Variants in CENPC observed in about 807,000 individuals in gnomAD.
CENPC encodes centromere protein C, also known as CENP-C 1.
A neutral mutation model predicts 112.1 loss-of-function variants in CENPC; 63 were observed. The observed-to-expected ratio is 0.56, with a 90% CI of 0.46 to 0.69. The LOEUF (loss-of-function observed/expected upper bound fraction) is 0.69. Among genes scored for constraint, CENPC ranks in the 30% least tolerant of loss-of-function variants. The probability of loss-of-function intolerance (pLI) is 0.00; values close to 1 mark genes in which losing one functional copy is unlikely to be tolerated. For synonymous variants in CENPC, 333 were observed against 367.6 expected (o/e 0.91, Z 1.08); for missense variants, 1,000 against 1,103.8 (o/e 0.91, Z 1.33).
At chr4:67,492,848 C>T (rs1725321088) in intron 15 of CENPC, 21 bp downstream of exon 15, 1 of 1,520,800 alleles carries the variant, frequency 6.6e-7, no homozygotes, top group Non-Finnish European at 8.9e-7. Context: ...CTAAAAGTTA[C>T]TTTCAGAAAT....
At chr4:67,479,345 T>G (rs1319242931) in intron 17 of CENPC, among the ~76,000 whole-genome samples, 1 of 152,110 alleles carries the variant, frequency 6.6e-6, no homozygotes, top group African/African-American at 2.4e-5. Flanking sequence ...TCAATAAATT[T>G]AAGAAAACCA....
intron 16 of CENPC, 74 bp from the exon 17 acceptor site, chr4:67,490,195 A>G (rs1378483853): frequency 6.1e-6 from 6 of 978,750 alleles, no homozygotes; most frequent in Non-Finnish European, 8.6e-6. Flanking sequence ...ACACATATAT[A>G]TAATAAAGAG....
chr4:67,478,552 T>C (rs77256643), intron 17 of CENPC, among the ~76,000 whole-genome samples: 3 of 149,520 alleles, frequency 2.0e-5, no homozygotes, highest in Non-Finnish European at 4.5e-5. Context: ...CTAAAAGGAG[T>C]TCTAAATCTT....
At chr4:67,482,824 A>C in intron 17 of CENPC, among the ~76,000 whole-genome samples, 1 of 152,158 alleles carries the variant, frequency 6.6e-6, no homozygotes, top group East Asian at 1.9e-4. Context: ...GGTGCACCAA[A>C]ATCTCAGAAA....
At chr4:67,539,722 A>C in intron 4 of CENPC, 118 bp downstream of exon 4, 2 of 536,178 alleles carry the variant, frequency 3.7e-6, no homozygotes, top group Non-Finnish European at 3.2e-6. Flanking sequence ...GTCAATGGGA[A>C]TATAGAATTC....
intron 10 of CENPC, among the ~76,000 whole-genome samples, chr4:67,508,513 T>TA (rs34160703): frequency 0.26 from 23,317 of 91,030 alleles, 3,323 homozygotes; most frequent in Non-Finnish European, 0.31. Context: ...CTCTGTCTCT[T>TA]AAAAAAAAAA....
chr4:67,491,478 T>TAG (rs1164591729), intron 16 of CENPC, among the ~76,000 whole-genome samples: 11 of 24,994 alleles, frequency 4.4e-4, no homozygotes, highest in African/African-American at 9.8e-4. Context: ...TATATATATA[T>TAG]ATAGAGAGAG....
At chr4:67,499,925 A>G (rs1053587057) in intron 12 of CENPC, among the ~76,000 whole-genome samples, 1 of 152,178 alleles carries the variant, frequency 6.6e-6, no homozygotes, top group Non-Finnish European at 1.5e-5. Flanking sequence ...TGTCTCAGGA[A>G]ATAGGGAAGC....
chr4:67,489,285 G>A (rs1179391390), intron 17 of CENPC, among the ~76,000 whole-genome samples: 1 of 151,296 alleles, frequency 6.6e-6, no homozygotes, highest in East Asian at 1.9e-4. Context: ...GGTGGGGGTG[G>A]AAGAAAGGAG....
At chr4:67,515,750 T>C (rs769447091) in intron 7 of CENPC, among the ~76,000 whole-genome samples, 6 of 152,040 alleles carry the variant, frequency 3.9e-5, no homozygotes, top group East Asian at 3.9e-4. Context: ...ATTATAATCA[T>C]GGTATAGAAA....
At chr4:67,506,663 A>T in intron 11 of CENPC, 125 bp downstream of exon 11, 1 of 780,874 alleles carries the variant, frequency 1.3e-6, no homozygotes, top group South Asian at 3.1e-5. Flanking sequence ...GCTGAGCCAT[A>T]GAAACTATGA....
chr4:67,505,127 T>G, intron 12 of CENPC, 78 bp downstream of exon 12: 1 of 1,012,570 alleles, frequency 9.9e-7, no homozygotes, highest in Non-Finnish European at 1.5e-6. Context: ...TCAGTGACAA[T>G]GTAAACAAAA....
intron 5 of CENPC, among the ~76,000 whole-genome samples, chr4:67,522,817 T>G (rs62301098): frequency 2.5e-4 from 38 of 151,876 alleles, no homozygotes; most frequent in Non-Finnish European, 5.3e-4. Context: ...CTGGCCAACA[T>G]GGTGAAACCC....
intron 5 of CENPC, among the ~76,000 whole-genome samples, chr4:67,525,245 A>G (rs1173102925): frequency 6.6e-6 from 1 of 152,210 alleles, no homozygotes; most frequent in Admixed American, 6.5e-5. Flanking sequence ...CCTAGGCAAT[A>G]CCATTCAGGA....
chr4:67,511,000 A>AC, intron 9 of CENPC: 1 of 456,142 alleles, frequency 2.2e-6, no homozygotes, highest in Non-Finnish European at 4.4e-6. Flanking sequence ...TTCATCTGCC[A>AC]CATAGTACTT....
chr4:67,485,061 C>A (rs1308160258), intron 17 of CENPC, among the ~76,000 whole-genome samples: 1 of 152,094 alleles, frequency 6.6e-6, no homozygotes, highest in African/African-American at 2.4e-5. Context: ...CCACTGCACT[C>A]CAGCCTGGGT....
intron 4 of CENPC, among the ~76,000 whole-genome samples, chr4:67,537,595 C>A (rs1403733966): frequency 6.6e-6 from 1 of 152,124 alleles, no homozygotes; most frequent in African/African-American, 2.4e-5. Flanking sequence ...GAGTTTAAGA[C>A]CAGCCTGGCC....
chr4:67,535,738 T>C (rs116093669), intron 4 of CENPC, among the ~76,000 whole-genome samples: 5,758 of 152,176 alleles, frequency 0.038, 152 homozygotes, highest in Middle Eastern at 0.044. Context: ...AGAATGGAAG[T>C]TTATGTGTTG....
In CENPC at chr4:67,540,990, A is replaced by C; in HGVS notation, c.126T>G (p.Phe42Leu). 6.2e-7 allele frequency: 1 copy of C among 1,606,794 alleles called. No homozygotes were observed. The change falls in exon 3 of 19, where the codon TTT becomes TTG. Residue 42 changes from phenylalanine (F) to leucine (L), a missense_variant. By Grantham distance (22) the Phe-to-Leu change is conservative (BLOSUM62 0). Coordinates refer to ENST00000273853, the MANE Select transcript of CENPC (RefSeq NM_001812.4). Reference sequence around the variant, plus strand: ...GAAATGAAGCCTTACTTTTTTCTTCAAAACAGTCTTGTAAGATTTCCAGAA... The same window carrying C: ...GAAATGAAGCCTTACTTTTTTCTTCCAAACAGTCTTGTAAGATTTCCAGAA... Reference protein sequence around the residue: ...QNVLEILQDCFEEKSLANDFS... With the variant: ...QNVLEILQDCLEEKSLANDFS...
Sources: gnomAD v4.1 joint callset for allele counts (sites outside exome capture counted in the v4.1 genomes callset) on GRCh38, gnomAD v4.1.1 for gene constraint, MANE v1.5 for transcripts, NCBI Gene and HGNC (gene_info 2026-07-23, HGNC 2026-07-21) for gene names.